Variants in MICU1 observed in about 807,000 individuals in gnomAD.
The protein encoded by MICU1 is mitochondrial calcium uptake 1, also known as calcium uptake protein 1, mitochondrial.
A neutral mutation model predicts 56.8 loss-of-function variants in MICU1; 45 were observed. The ratio of observed to expected loss-of-function variants is 0.79; its 90% CI spans 0.62 to 1.02. The LOEUF (loss-of-function observed/expected upper bound fraction) is 1.02. Ranked by LOEUF, MICU1 falls within the 50% of genes least tolerant of loss-of-function variation. MICU1 has a pLI of 0.00. For synonymous variants in MICU1, 186 were observed against 195.1 expected (o/e 0.95, Z 0.39); for missense variants, 504 against 587.1 (o/e 0.86, Z 1.46).
At chr10:72,371,027 T>A (rs1230648124) in intron 11 of MICU1, among the ~76,000 whole-genome samples, 4 of 150,138 alleles carry the variant, frequency 2.7e-5, no homozygotes, top group African/African-American at 9.8e-5. Flanking sequence ...TCAGACTCTG[T>A]CTCAAAAAAA....
In MICU1 at chr10:72,578,730, C is replaced by T. The variant is rs1057198825; in HGVS notation, c.-1-11936G>A. On this transcript the variant is annotated intron_variant, in intron 1 of 11. Coordinates refer to ENST00000361114, the MANE Select transcript of MICU1 (RefSeq NM_001195518.2). ...TCAAGCGACTCTCCTGCCTCAGTCT[C>T]CCGAGTAGCTGGGACTACAGGCACC... Among the ~76,000 whole-genome samples, 8 of 152,118 alleles carry T rather than the reference C, an allele frequency of 5.3e-5. 1 individual carries two copies. The East Asian group carries it at 1.5e-3, about 29-fold the overall frequency.
intron 10 of MICU1, among the ~76,000 whole-genome samples, chr10:72,397,691 A>T (rs1863314152): frequency 6.6e-6 from 1 of 152,256 alleles, no homozygotes. Context: ...AAAGAAGGCC[A>T]TCACATAATG....
chr10:72,413,561 C>T (rs1863892789), intron 9 of MICU1, among the ~76,000 whole-genome samples: 1 of 152,038 alleles, frequency 6.6e-6, no homozygotes, highest in African/African-American at 2.4e-5. Context: ...GGTGAAAACC[C>T]ATCTTTACTA....
intron 6 of MICU1, among the ~76,000 whole-genome samples, chr10:72,507,601 T>A (rs16929954): frequency 2.0e-5 from 3 of 152,150 alleles, no homozygotes; most frequent in African/African-American, 7.2e-5. Context: ...CTTGACAGAA[T>A]ACAGAGTGAC....
intron 3 of MICU1, among the ~76,000 whole-genome samples, chr10:72,558,878 G>T (rs1840224509): frequency 6.6e-6 from 1 of 152,168 alleles, no homozygotes; most frequent in African/African-American, 2.4e-5. Context: ...AAAATTAGCT[G>T]GTTATGGAGA....
chr10:72,514,444 C>T (rs1166201911), intron 5 of MICU1, among the ~76,000 whole-genome samples: 1 of 151,876 alleles, frequency 6.6e-6, no homozygotes, highest in Non-Finnish European at 1.5e-5. Flanking sequence ...TGGTAACTCT[C>T]GAAATCGCAT....
intron 11 of MICU1, among the ~76,000 whole-genome samples, chr10:72,374,423 G>T (rs76096235): frequency 0.029 from 4,376 of 152,222 alleles, 189 homozygotes; most frequent in African/African-American, 0.1. Flanking sequence ...ACCACGCCAG[G>T]CCAAGGCTAG....
intron 8 of MICU1, among the ~76,000 whole-genome samples, chr10:72,433,024 G>A (rs1589214813): frequency 6.6e-6 from 1 of 152,010 alleles, no homozygotes; most frequent in African/African-American, 2.4e-5. Context: ...TGCAACCTCC[G>A]CCTCCCAGGT....
At chr10:72,495,911 G>A (rs947648262) in intron 6 of MICU1, among the ~76,000 whole-genome samples, 2 of 151,928 alleles carry the variant, frequency 1.3e-5, no homozygotes, top group Non-Finnish European at 2.9e-5. Context: ...TACTGAGGAT[G>A]CCTGGAGCAA....
chr10:72,621,385 G>A (rs1842101001), intron 1 of MICU1, among the ~76,000 whole-genome samples: 1 of 152,026 alleles, frequency 6.6e-6, no homozygotes, highest in South Asian at 2.1e-4. Flanking sequence ...CCAGCTACTT[G>A]GGAGGCTGAG....
intron 8 of MICU1, among the ~76,000 whole-genome samples, chr10:72,444,572 C>T (rs531198826): frequency 6.6e-6 from 1 of 151,416 alleles, no homozygotes; most frequent in South Asian, 2.1e-4. Flanking sequence ...GTCTCAGCCT[C>T]TCCAGTAGCT....
rs755589601 is a variant in MICU1, at chr10:72,550,464, G to A, written c.493+715C>T. ...CAGAACATATCCTCATCATTAAGTGGCCCGTGACGGTACAATCAATTCTTG... is the reference window on the plus strand; with the variant it reads ...CAGAACATATCCTCATCATTAAGTGACCCGTGACGGTACAATCAATTCTTG... On this transcript the variant is annotated intron_variant, in intron 4 of 11. Coordinates refer to ENST00000361114, the MANE Select transcript of MICU1 (RefSeq NM_001195518.2). Among the ~76,000 whole-genome samples, 5 of 152,122 alleles carry A rather than the reference G, an allele frequency of 3.3e-5. No individual in the cohort carries two copies. In the South Asian group the frequency reaches 1.0e-3, roughly 32 times the overall value.
intron 5 of MICU1, among the ~76,000 whole-genome samples, chr10:72,521,829 C>T (rs887063948): frequency 3.9e-5 from 6 of 151,954 alleles, no homozygotes; most frequent in African/African-American, 1.4e-4. Flanking sequence ...ACTAAGTTAA[C>T]TTGAAGTTGA....
chr10:72,464,367 C>T (rs2065812), intron 8 of MICU1, among the ~76,000 whole-genome samples: 69,252 of 150,556 alleles, frequency 0.46, 20,032 homozygotes, highest in Non-Finnish European at 0.67. Flanking sequence ...TGCTCGCACG[C>T]GCACACACGT....
intron 6 of MICU1, among the ~76,000 whole-genome samples, chr10:72,504,030 A>AATATTGTTAAAATGACCAT (rs1867163224): frequency 6.6e-6 from 1 of 152,224 alleles, no homozygotes; most frequent in African/African-American, 2.4e-5. Context: ...GGTTGGCAGA[A>AATATTGTTAAAATGACCAT]TTAATATTGT....
chr10:72,614,541 T>C (rs188545740), intron 1 of MICU1, among the ~76,000 whole-genome samples: 140 of 152,352 alleles, frequency 9.2e-4, no homozygotes, highest in Non-Finnish European at 1.6e-3. Flanking sequence ...TCAGCCTTTA[T>C]TTTTTCTTAA....
At chr10:72,370,439 G>C (rs1405793552) in intron 11 of MICU1, among the ~76,000 whole-genome samples, 1 of 152,058 alleles carries the variant, frequency 6.6e-6, no homozygotes, top group East Asian at 1.9e-4. Flanking sequence ...TTTTCTGGCT[G>C]AAGAGAGTAT....
chr10:72,586,013 C>CTTTTTTTTTTTTTTTTTT (rs71021511), intron 1 of MICU1, among the ~76,000 whole-genome samples: 35 of 74,710 alleles, frequency 4.7e-4, no homozygotes, highest in Non-Finnish European at 6.3e-4. Flanking sequence ...TTTTTTTTTT[C>CTTTTTTTTTTTTTTTTTT]TTTTTTTTTT....
At chr10:72,428,730 A>G (rs1275415242) in intron 8 of MICU1, among the ~76,000 whole-genome samples, 1 of 152,216 alleles carries the variant, frequency 6.6e-6, no homozygotes. Context: ...CTCCAGCCTG[A>G]CAGCCAAAAC....
Sources: allele counts gnomAD v4.1 joint callset (sites outside exome capture counted in the v4.1 genomes callset), GRCh38; gene constraint gnomAD v4.1.1; transcripts MANE v1.5; gene names NCBI Gene and HGNC (gene_info 2026-07-23, HGNC 2026-07-21).